GABRA4: variants seen among roughly 807,000 people sequenced by gnomAD.
The protein encoded by GABRA4 is gamma-aminobutyric acid type A receptor subunit alpha4, also known as gamma-aminobutyric acid receptor subunit alpha-4.
A neutral mutation model predicts 49.7 loss-of-function variants in GABRA4; 12 were observed. That is an observed-to-expected ratio of 0.24 (90% CI 0.15 to 0.39). The LOEUF (loss-of-function observed/expected upper bound fraction) is 0.39. Ranked by LOEUF, GABRA4 falls within the 10% of genes least tolerant of loss-of-function variation. The pLI, the probability that GABRA4 is intolerant of heterozygous loss-of-function variation, is 1.00. For synonymous variants in GABRA4, 288 were observed against 240.2 expected, an observed-to-expected ratio of 1.20 and a Z score of -1.84; for missense variants, 506 against 686.0, an observed-to-expected ratio of 0.74 and a Z score of 2.93.
intron 5 of GABRA4, 128 bp from the exon 6 acceptor site, chr4:46,974,503 G>GTCACTATAATTTAGT (rs960943208): frequency 5.5e-6 from 5 of 904,346 alleles, no homozygotes; most frequent in Non-Finnish European, 6.3e-6. Flanking sequence ...CTATAATTTA[G>GTCACTATAATTTAGT]TCACTATAAT....
At position 46,993,466 on chromosome 4, in the gene GABRA4, G is replaced by T. The variant is rs752136749; in HGVS notation, c.-42C>A. The T allele has an allele frequency of 1.3e-6, 2 of 1,598,970 alleles. No homozygotes were observed. Among genetic ancestry groups the T allele is most frequent in the East Asian group, 4.5e-5 (2 of 44,770 alleles). On this transcript the variant is annotated 5_prime_UTR_variant, in exon 1 of 9. Transcript: ENST00000264318. ...ACTTCAAGCCTGTTCACGTTTCCAG[G>T]CTCTTCAGATGCCCTGAGCAGGGTG...
Position 46,922,312 on chromosome 4 carries a change from G to T in GABRA4, c.*5913C>A, listed in dbSNP as rs1301831407. The T allele has an allele frequency of 6.6e-6, 1 of 152,080 alleles. No homozygotes were observed. Among genetic ancestry groups the T allele is most frequent in the African/African-American group, 2.4e-5 (1 of 41,400 alleles). 9.4% of individuals were successfully genotyped at this position (152,080 alleles called of 1,614,324 possible). A position where few individuals can be genotyped will look rare whatever the true frequency, so the allele number is the denominator to read the frequency against. On this transcript the variant is annotated 3_prime_UTR_variant, in exon 9 of 9. Transcript: ENST00000264318. ...GGCAGAAGAAAAAACACATAAAACG[G>T]TTTTGGGGAGGTGGGCTTGAAACCT...
At chr4:46,971,691 GTAAT>G (rs1296034222) in intron 6 of GABRA4, among the ~76,000 whole-genome samples, 2 of 150,400 alleles carry the variant, frequency 1.3e-5, no homozygotes, top group Admixed American at 1.3e-4. Context: ...ATTTTAGAAA[GTAAT>G]AAATATACAT....
Position 46,993,342 on chromosome 4 carries a change from A to G in GABRA4, c.83T>C (p.Val28Ala). The G allele has an allele frequency of 6.2e-7, 1 of 1,613,956 alleles. No homozygotes were observed. The highest frequency in any genetic ancestry group is 8.5e-7 in the Non-Finnish European group (1 of 1,179,928). ...CCTCGCACCCCAGAGAACTCACCAA[A>G]CCGCCAGGCACAGGAAGCGCAGGAG... ...FALLRFLCLA[V>A]CLNESPGQNQ... The change falls in exon 1 of 9, where the codon GTT becomes GCT. Residue 28 changes from valine (V) to alanine (A), a missense_variant. This residue lies in a region of GABRA4 where 195 missense variants were observed against 326.0 expected (regional missense o/e 0.60). Transcript: ENST00000264318.
At chr4:46,991,721 A>ACTCGTTACTTATCTTTCTAAGC (rs11274101) in intron 2 of GABRA4, among the ~76,000 whole-genome samples, 91,055 of 151,822 alleles carry the variant, frequency 0.6, 27,760 homozygotes, top group Middle Eastern at 0.68. Context: ...TGGAACTTGG[A>ACTCGTTACTTATCTTTCTAAGC]CTCAATTTCC....
chr4:46,961,920 T>G (rs371216898), intron 8 of GABRA4, among the ~76,000 whole-genome samples: 1 of 152,016 alleles, frequency 6.6e-6, no homozygotes, highest in African/African-American at 2.4e-5. Context: ...CTGACTATTT[T>G]TGTACAGTTG....
At position 46,962,143 on chromosome 4, in the gene GABRA4, C is replaced by A. The variant is rs566164745; in HGVS notation, c.1134+2827G>T. On this transcript the variant is annotated intron_variant, in intron 8 of 8. Transcript: ENST00000264318. ...TGGTTTTGTTTTCTTCTTTAATACA[C>A]AGGCACAGGCCCCACCCTGCCCCAT... 9.9e-5 allele frequency among the ~76,000 whole-genome samples: 15 copies of A among 151,938 alleles called. No homozygotes were observed. In the South Asian group the frequency reaches 2.9e-3, roughly 29 times the overall value.
chr4:46,930,047 T>C (rs1721376484), intron 8 of GABRA4, among the ~76,000 whole-genome samples: 1 of 152,118 alleles, frequency 6.6e-6, no homozygotes, highest in Admixed American at 6.6e-5. Flanking sequence ...TAAAGTTCAA[T>C]TCATATCTCA....
intron 7 of GABRA4, among the ~76,000 whole-genome samples, chr4:46,966,623 T>G (rs1722761298): frequency 6.6e-6 from 1 of 151,658 alleles, no homozygotes; most frequent in East Asian, 1.9e-4. Context: ...AGGCACAAGA[T>G]AAATGCATGG....
At position 46,924,602 on chromosome 4, in the gene GABRA4, A is replaced by G. The variant is rs1721144842; in HGVS notation, c.*3623T>C. On this transcript the variant is annotated 3_prime_UTR_variant, in exon 9 of 9. Transcript: ENST00000264318. ...ATAGCCAATATTCTACTGTCTTTAA[A>G]GAATACAGTCTTCCCTGGGGAAGAA... is the stretch of plus-strand genomic sequence containing the variant. The G allele has an allele frequency of 6.6e-6, 1 of 152,080 alleles. No homozygotes were observed. Among genetic ancestry groups the G allele is most frequent in the Non-Finnish European group, 1.5e-5 (1 of 67,966 alleles). The allele number at this position is 152,080 out of a possible 1,614,324, so 9.4% of individuals were successfully genotyped here.
intron 8 of GABRA4, among the ~76,000 whole-genome samples, chr4:46,952,945 C>T (rs1244474614): frequency 6.6e-6 from 1 of 152,038 alleles, no homozygotes; most frequent in African/African-American, 2.4e-5. Context: ...TCACCAGCAA[C>T]CATGTCTATA....
intron 8 of GABRA4, among the ~76,000 whole-genome samples, chr4:46,940,496 TAA>T (rs1165619017): frequency 2.6e-5 from 4 of 152,252 alleles, no homozygotes; most frequent in Non-Finnish European, 2.9e-5. Flanking sequence ...GAGGATTCAT[TAA>T]GTCACCTATT....
In GABRA4 at chr4:46,925,869, C is replaced by A. The variant is rs10004905; in HGVS notation, c.*2356G>T. The A allele has an allele frequency of 1.3e-5, 2 of 150,442 alleles. No homozygotes were observed. Among genetic ancestry groups the A allele is most frequent in the Admixed American group, 1.3e-4 (2 of 15,052 alleles). 9.3% of individuals were successfully genotyped at this position (150,442 alleles called of 1,614,324 possible). On this transcript the variant is annotated 3_prime_UTR_variant, in exon 9 of 9. Transcript: ENST00000264318. ...AACAATTAAGAATCCTTGGTTAATT[C>A]TGTCCTTTCTCATTCTTTGGCCACA...
chr4:46,924,450 C>G lies in GABRA4; in HGVS notation c.*3775G>C. 6.6e-6 allele frequency: 1 copy of G among 152,050 alleles called. No homozygotes were observed. The highest frequency in any genetic ancestry group is 2.1e-4 in the South Asian group (1 of 4,818). The allele number at this position is 152,050 out of a possible 1,614,324, so 9.4% of individuals were successfully genotyped here. Reference sequence around the variant, plus strand: ...TTGTCTATGCATCTATCATCTCTTCCGGACTGTGACTACCTGCAAGGAAAG... The same window carrying G: ...TTGTCTATGCATCTATCATCTCTTCGGGACTGTGACTACCTGCAAGGAAAG... On this transcript the variant is annotated 3_prime_UTR_variant, in exon 9 of 9. Coordinates refer to ENST00000264318, the MANE Select transcript of GABRA4 (RefSeq NM_000809.4).
At chr4:46,982,448 G>C (rs1422465355) in intron 2 of GABRA4, among the ~76,000 whole-genome samples, 2 of 151,946 alleles carry the variant, frequency 1.3e-5, no homozygotes, top group East Asian at 3.9e-4. Flanking sequence ...ATAAGCCAAG[G>C]AGAGAGGACT....
chr4:46,936,981 A>G (rs1004852047), intron 8 of GABRA4, among the ~76,000 whole-genome samples: 2 of 152,234 alleles, frequency 1.3e-5, no homozygotes, highest in Non-Finnish European at 2.9e-5. Context: ...TTTAATCATT[A>G]CTGTGGACTG....
intron 8 of GABRA4, among the ~76,000 whole-genome samples, chr4:46,944,056 T>A (rs1721902887): frequency 6.6e-6 from 1 of 152,028 alleles, no homozygotes; most frequent in Non-Finnish European, 1.5e-5. Context: ...AGAGATCAAG[T>A]GCACAGCATC....
intron 8 of GABRA4, 78 bp from the exon 9 acceptor site, chr4:46,928,833 C>A: frequency 2.1e-6 from 2 of 931,190 alleles, no homozygotes; most frequent in Non-Finnish European, 3.2e-6. Context: ...GATCAAAATT[C>A]TTAAAATTAG....
At chr4:46,983,366 T>C (rs1055317510) in intron 2 of GABRA4, among the ~76,000 whole-genome samples, 11 of 152,240 alleles carry the variant, frequency 7.2e-5, no homozygotes, top group African/African-American at 2.2e-4. Context: ...TGGGTCTTTC[T>C]ATCTGTAACA....
Sources: gnomAD v4.1 joint callset for allele counts (sites outside exome capture counted in the v4.1 genomes callset) on GRCh38, gnomAD v4.1.1 for gene constraint, gnomAD v4.1.1 regional missense constraint, MANE v1.5 for transcripts, NCBI Gene and HGNC (gene_info 2026-07-23, HGNC 2026-07-21) for gene names.